Variants in ALMS1 observed in about 807,000 individuals in gnomAD.
ALMS1 encodes centrosome-associated protein ALMS1.
In ALMS1, 271 loss-of-function variants were observed where a neutral mutation model predicts 352.2. The ratio of observed to expected loss-of-function variants is 0.77; its 90% CI spans 0.70 to 0.85. The LOEUF is 0.85. ALMS1 is among the 40% of genes least tolerant of loss of function. ALMS1 has a pLI of 0.00. For synonymous variants in ALMS1, 1,865 were observed against 1,761.2 expected (o/e 1.06, Z -1.48); for missense variants, 5,445 against 4,870.7 (o/e 1.12, Z -3.51).
rs554601489 is a variant in ALMS1, at chr2:73,472,433, A to G, written c.7674+17138A>G. On this transcript the variant is annotated intron_variant, in intron 9 of 22. Transcript: ENST00000613296. ...ATATGATAAAGAATATGTATTTGAAATTTGCAATCAGCATAATCAAAGTCA... is the reference window on the plus strand; with the variant it reads ...ATATGATAAAGAATATGTATTTGAAGTTTGCAATCAGCATAATCAAAGTCA... Among the ~76,000 whole-genome samples, 4 of 152,222 alleles carry G rather than the reference A, an allele frequency of 2.6e-5. No individual in the cohort carries two copies. The South Asian group carries it at 8.3e-4, about 32-fold the overall frequency.
chr2:73,454,014 C>G lies in ALMS1; in HGVS notation c.7487C>G (p.Ala2496Gly). The change falls in exon 8 of 23, where the codon GCT (alanine) becomes GGT (glycine). Residue 2496 changes from alanine to glycine, a missense_variant. Ala to Gly is a moderately conservative substitution (Grantham distance 60). Coordinates refer to ENST00000613296, the MANE Select transcript of ALMS1 (RefSeq NM_001378454.1). ...CAATGTGAATCCTCACTGAATCATG[C>G]TAAAGAAATACTCAGAAATGCAGAG... ...LLQCESSLNHAKEILRNAEEE... is the reference protein window; with the variant it reads ...LLQCESSLNHGKEILRNAEEE... 1 of 1,613,484 alleles carries G rather than the reference C, an allele frequency of 6.2e-7. No individual in the cohort carries two copies. Among genetic ancestry groups the G allele is most frequent in the Non-Finnish European group, 8.5e-7 (1 of 1,179,806 alleles).
chr2:73,586,067 A>G (rs1036647608), intron 16 of ALMS1, among the ~76,000 whole-genome samples: 2 of 151,912 alleles, frequency 1.3e-5, no homozygotes. Context: ...GCCCATTTGT[A>G]TATCTTCTTT....
chr2:73,517,950 G>A (rs1276845291), intron 10 of ALMS1, among the ~76,000 whole-genome samples: 1 of 152,090 alleles, frequency 6.6e-6, no homozygotes, highest in African/African-American at 2.4e-5. Context: ...GAGCCACCAC[G>A]CCTGACCTAT....
intron 13 of ALMS1, among the ~76,000 whole-genome samples, chr2:73,555,349 A>C (rs1331745959): frequency 6.6e-6 from 1 of 152,218 alleles, no homozygotes; most frequent in Non-Finnish European, 1.5e-5. Flanking sequence ...ATGGCATAAC[A>C]ATCTGTGGAG....
At chr2:73,566,527 A>G (rs1674804417) in intron 15 of ALMS1, among the ~76,000 whole-genome samples, 1 of 152,220 alleles carries the variant, frequency 6.6e-6, no homozygotes, top group South Asian at 2.1e-4. Context: ...AAAATCATGA[A>G]TTGTTTCTGG....
chr2:73,427,131 T>G (rs149397623), intron 6 of ALMS1, among the ~76,000 whole-genome samples: 1 of 152,302 alleles, frequency 6.6e-6, no homozygotes, highest in African/African-American at 2.4e-5. Context: ...GTGTTAAGAT[T>G]AGGCTTATTC....
At position 73,503,835 on chromosome 2, in the gene ALMS1, C is replaced by G. The variant is rs1018609423; in HGVS notation, c.9539+12337C>G. ...CAATAAGGTTGTGGCTGTTAGGTAC[C>G]TTTTCATCCCACAGTAGGCATGAAA... On this transcript the variant is annotated intron_variant, in intron 10 of 22. Coordinates refer to ENST00000613296, the MANE Select transcript of ALMS1 (RefSeq NM_001378454.1). 2.0e-5 allele frequency among the ~76,000 whole-genome samples: 3 copies of G among 152,050 alleles called. No homozygotes were observed. The South Asian group carries it at 6.2e-4, about 31-fold the overall frequency.
intron 16 of ALMS1, among the ~76,000 whole-genome samples, chr2:73,585,834 T>G (rs1675299870): frequency 6.6e-6 from 1 of 150,854 alleles, no homozygotes; most frequent in Non-Finnish European, 1.5e-5. Context: ...GTTCAAGCAG[T>G]TCTTCTGCCT....
At chr2:73,467,832 C>A (rs2103833947) in intron 9 of ALMS1, among the ~76,000 whole-genome samples, 1 of 152,114 alleles carries the variant, frequency 6.6e-6, no homozygotes, top group Non-Finnish European at 1.5e-5. Flanking sequence ...AAAAGCCAGA[C>A]ACAAAGAGTC....
chr2:73,487,367 C>T (rs74378244), intron 9 of ALMS1, among the ~76,000 whole-genome samples: 38 of 152,172 alleles, frequency 2.5e-4, no homozygotes, highest in Admixed American at 1.1e-3. Flanking sequence ...CTGGTGCTGG[C>T]GCCACGCAAG....
At chr2:73,431,864 TA>T (rs1189484639) in intron 6 of ALMS1, among the ~76,000 whole-genome samples, 1 of 152,180 alleles carries the variant, frequency 6.6e-6, no homozygotes, top group Admixed American at 6.5e-5. Context: ...GCGATGATCA[TA>T]AGGAGCAAAC....
At chr2:73,584,609 T>C (rs183164793) in intron 16 of ALMS1, among the ~76,000 whole-genome samples, 1 of 152,344 alleles carries the variant, frequency 6.6e-6, no homozygotes, top group East Asian at 1.9e-4. Context: ...ATTTAATGTT[T>C]CATATGCTTG....
intron 12 of ALMS1, among the ~76,000 whole-genome samples, chr2:73,541,554 C>G (rs1256423061): frequency 1.3e-5 from 2 of 152,142 alleles, no homozygotes; most frequent in African/African-American, 4.8e-5. Context: ...ACAAAATACC[C>G]TTCAAAAAAT....
At chr2:73,391,768 T>C (rs1558627027) in intron 1 of ALMS1, among the ~76,000 whole-genome samples, 1 of 152,230 alleles carries the variant, frequency 6.6e-6, no homozygotes, top group Non-Finnish European at 1.5e-5. Context: ...TTTATCAAAC[T>C]TGACATCAAT....
Position 73,449,158 on chromosome 2 carries a change from T to G in ALMS1, c.2631T>G (p.Asn877Lys). 2.5e-6 allele frequency: 4 copies of G among 1,613,818 alleles called. No individual in the cohort carries two copies. Among genetic ancestry groups the G allele is most frequent in the Non-Finnish European group, 2.5e-6 (3 of 1,179,926 alleles). ...PSAFYQQTLP[N>K]SHLTEEALKV... is the part of the protein sequence containing the mutation. ...CTTTCTATCAGCAGACCTTACCCAA[T>G]AGTCATCTAACTGAAGAGGCTCTGA... The change falls in exon 8 of 23, where the codon AAT becomes AAG. Residue 877 changes from asparagine (N) to lysine (K), a missense_variant. Asn to Lys is a moderately conservative substitution (Grantham distance 94). Coordinates refer to ENST00000613296, the MANE Select transcript of ALMS1 (RefSeq NM_001378454.1).
intron 9 of ALMS1, among the ~76,000 whole-genome samples, chr2:73,462,984 T>A (rs1391478702): frequency 1.3e-5 from 2 of 152,056 alleles, no homozygotes; most frequent in Admixed American, 6.5e-5. Context: ...ACAAAGAGAC[T>A]TAGACTCCCA....
At chr2:73,500,140 T>A (rs1266626704) in intron 10 of ALMS1, among the ~76,000 whole-genome samples, 2 of 152,246 alleles carry the variant, frequency 1.3e-5, no homozygotes, top group Non-Finnish European at 2.9e-5. Flanking sequence ...TTGGATTGTA[T>A]TTCATAATGA....
intron 11 of ALMS1, 102 bp from the exon 12 acceptor site, chr2:73,534,721 CA>C: frequency 7.6e-7 from 1 of 1,312,876 alleles, no homozygotes; most frequent in Non-Finnish European, 1.1e-6. Context: ...TCATAAATTC[CA>C]AAAGTCATGA....
chr2:73,494,193 C>T (rs990236116), intron 10 of ALMS1, among the ~76,000 whole-genome samples: 2 of 152,174 alleles, frequency 1.3e-5, no homozygotes, highest in East Asian at 3.9e-4. Flanking sequence ...CTTTTTGTAA[C>T]CTACCCTTGG....
Sources: allele counts gnomAD v4.1 joint callset (sites outside exome capture counted in the v4.1 genomes callset), GRCh38; gene constraint gnomAD v4.1.1; transcripts MANE v1.5; gene names NCBI Gene and HGNC (gene_info 2026-07-23, HGNC 2026-07-21).